ZSWIM5: variants seen among roughly 807,000 people sequenced by gnomAD.
ZSWIM5 encodes zinc finger SWIM-type containing 5.
In ZSWIM5, 55 loss-of-function variants were observed where a neutral mutation model predicts 119.6. That is an observed-to-expected ratio of 0.46 (90% CI 0.37 to 0.58). The LOEUF (loss-of-function observed/expected upper bound fraction) is 0.58. Ranked by LOEUF, ZSWIM5 falls within the 20% of genes least tolerant of loss-of-function variation. The pLI is 0.00. For missense variants in ZSWIM5, 1,193 were observed against 1,512.8 expected, an observed-to-expected ratio of 0.79 and a Z score of 3.51; for synonymous variants, 537 against 606.9, an observed-to-expected ratio of 0.88 and a Z score of 1.69.
At chr1:45,179,727 A>G (rs1269242876) in intron 1 of ZSWIM5, among the ~76,000 whole-genome samples, 1 of 152,220 alleles carries the variant, frequency 6.6e-6, no homozygotes, top group Non-Finnish European at 1.5e-5. Flanking sequence ...GGTAAACAGA[A>G]TAATGCCCCT....
rs114095728 is a variant in ZSWIM5 at position 45,140,085 on chromosome 1, G to A, written c.596-51848C>T. Among the ~76,000 whole-genome samples the A allele has an allele frequency of 9.9e-3, 1,503 of 152,282 alleles. 29 individuals are homozygous for A. Among genetic ancestry groups the A allele is most frequent in the African/African-American group, 0.035 (1,442 of 41,544 alleles). On this transcript the variant is annotated intron_variant, in intron 1 of 13. Coordinates refer to ENST00000359600, the MANE Select transcript of ZSWIM5 (RefSeq NM_020883.2). The stretch of plus-strand genomic sequence containing the variant: ...GAAAACATTAGCACAAAGGCTGGTA[G>A]AGGAGAATGGAAGTGTGCTGTGATA...
intron 1 of ZSWIM5, among the ~76,000 whole-genome samples, chr1:45,180,262 C>A (rs1051121285): frequency 1.3e-5 from 2 of 152,180 alleles, no homozygotes; most frequent in African/African-American, 2.4e-5. Context: ...GCTTAGGAAA[C>A]GGCACACCAG....
At chr1:45,050,801 G>A (rs547308707) in intron 5 of ZSWIM5, among the ~76,000 whole-genome samples, 1 of 152,280 alleles carries the variant, frequency 6.6e-6, no homozygotes, top group East Asian at 1.9e-4. Context: ...AACCAGAAGA[G>A]TAGACCAGGA....
intron 1 of ZSWIM5, among the ~76,000 whole-genome samples, chr1:45,114,946 G>A (rs1056558908): frequency 6.6e-6 from 1 of 152,172 alleles, no homozygotes; most frequent in African/African-American, 2.4e-5. Context: ...ATGTTTCAGA[G>A]AGCACGGGGT....
At chr1:45,182,199 G>A (rs1191508277) in intron 1 of ZSWIM5, among the ~76,000 whole-genome samples, 1 of 152,044 alleles carries the variant, frequency 6.6e-6, no homozygotes, top group African/African-American at 2.4e-5. Context: ...GGCGGATCAC[G>A]AGGTCAGGAG....
intron 1 of ZSWIM5, among the ~76,000 whole-genome samples, chr1:45,132,050 G>A (rs537242025): frequency 8.7e-5 from 13 of 149,148 alleles, no homozygotes; most frequent in Admixed American, 4.0e-4. Flanking sequence ...AAAAATTTTA[G>A]AATTTTATAA....
intron 1 of ZSWIM5, among the ~76,000 whole-genome samples, chr1:45,176,405 A>G (rs1449167735): frequency 1.3e-5 from 2 of 151,870 alleles, no homozygotes; most frequent in Admixed American, 6.6e-5. Context: ...CTGAGACTAC[A>G]GGTGCATGCC....
At chr1:45,086,881 A>ATTTTTTTTT (rs377217727) in intron 2 of ZSWIM5, among the ~76,000 whole-genome samples, 1 of 131,952 alleles carries the variant, frequency 7.6e-6, no homozygotes, top group Non-Finnish European at 1.6e-5. Context: ...TTCTTCTTAA[A>ATTTTTTTTT]TTTTTTTTTT....
chr1:45,127,156 T>C (rs1237789663), intron 1 of ZSWIM5, among the ~76,000 whole-genome samples: 2 of 152,028 alleles, frequency 1.3e-5, no homozygotes, highest in South Asian at 2.1e-4. Context: ...ATAAAAAGAA[T>C]AGTACACCAT....
At position 45,088,821 on chromosome 1, in the gene ZSWIM5, A is replaced by T. The variant is rs1645346803; in HGVS notation, c.596-584T>A. On this transcript the variant is annotated intron_variant, in intron 1 of 13. Transcript: ENST00000359600. This position sits in a 1 kb window ranked among gnomAD's most constrained non-coding sequence, Gnocchi z 4.2. ...AGACATGAAAGGCACAGCTAGGTGCAATGAAACTATGTAGTGTTACACCTC... is the reference window on the plus strand; with the variant it reads ...AGACATGAAAGGCACAGCTAGGTGCTATGAAACTATGTAGTGTTACACCTC... 6.6e-6 allele frequency among the ~76,000 whole-genome samples: 1 copy of T among 152,248 alleles called. No homozygotes were observed. The highest frequency in any genetic ancestry group is 1.9e-4 in the East Asian group (1 of 5,204).
chr1:45,123,690 T>C (rs1033349743), intron 1 of ZSWIM5, among the ~76,000 whole-genome samples: 15 of 151,960 alleles, frequency 9.9e-5, no homozygotes. Flanking sequence ...GCTGAAAAAA[T>C]ACTTGAAATA....
chr1:45,069,637 A>G (rs1282038942), intron 2 of ZSWIM5, among the ~76,000 whole-genome samples: 1 of 151,778 alleles, frequency 6.6e-6, no homozygotes, highest in African/African-American at 2.4e-5. Context: ...GAATTTTTTA[A>G]GTGGGTTGCA....
intron 1 of ZSWIM5, among the ~76,000 whole-genome samples, chr1:45,132,150 T>A (rs1353093440): frequency 6.6e-6 from 1 of 151,400 alleles, no homozygotes; most frequent in Admixed American, 6.6e-5. Context: ...AATATCACTA[T>A]ATATTTATAT....
intron 1 of ZSWIM5, among the ~76,000 whole-genome samples, chr1:45,134,600 A>C (rs1184372548): frequency 6.6e-6 from 1 of 152,374 alleles, no homozygotes; most frequent in African/African-American, 2.4e-5. Flanking sequence ...GACTGGAAAA[A>C]GCAGCAGAGG....
At chr1:45,082,308 C>T (rs1645298349) in intron 2 of ZSWIM5, among the ~76,000 whole-genome samples, 2 of 148,484 alleles carry the variant, frequency 1.3e-5, no homozygotes, top group South Asian at 4.3e-4. Context: ...GTGAGAAACA[C>T]CCAAGAATGA....
intron 1 of ZSWIM5, among the ~76,000 whole-genome samples, chr1:45,136,173 G>A (rs1257138496): frequency 6.6e-6 from 1 of 152,082 alleles, no homozygotes; most frequent in Admixed American, 6.6e-5. Context: ...AATGTGTGAA[G>A]TCTTGGTAGG....
intron 11 of ZSWIM5, among the ~76,000 whole-genome samples, chr1:45,030,262 G>T (rs1644944897): frequency 6.6e-6 from 1 of 151,436 alleles, no homozygotes; most frequent in Non-Finnish European, 1.5e-5. Context: ...ATGATTGATT[G>T]ATCGAGATGG....
intron 2 of ZSWIM5, among the ~76,000 whole-genome samples, chr1:45,084,586 A>G (rs1388781753): frequency 6.6e-6 from 1 of 152,248 alleles, no homozygotes; most frequent in Non-Finnish European, 1.5e-5. Context: ...CAATGGAAGT[A>G]TAGGCATTGG....
intron 1 of ZSWIM5, among the ~76,000 whole-genome samples, chr1:45,144,285 T>C (rs569298330): frequency 6.6e-6 from 1 of 151,756 alleles, no homozygotes; most frequent in African/African-American, 2.4e-5. Flanking sequence ...CCCAGCACTT[T>C]GGGAGGCTGA....
Sources: allele counts gnomAD v4.1 joint callset (sites outside exome capture counted in the v4.1 genomes callset), GRCh38; gene constraint gnomAD v4.1.1; non-coding constraint Gnocchi (gnomAD v3.1); transcripts MANE v1.5; gene names NCBI Gene and HGNC (gene_info 2026-07-23, HGNC 2026-07-21).